C1QTNF9B: variants seen among roughly 807,000 people sequenced by gnomAD.
The protein encoded by C1QTNF9B is C1q and TNF related 9B.
C1QTNF9B carries 9 observed loss-of-function variants against 10.1 expected under a neutral mutation model. The ratio of observed to expected loss-of-function variants is 0.89; its 90% CI spans 0.53 to 1.55. The LOEUF (loss-of-function observed/expected upper bound fraction) is 1.55. Ranked by LOEUF, C1QTNF9B falls within the 40% of genes most tolerant of loss-of-function variation. The pLI, the probability that C1QTNF9B is intolerant of heterozygous loss-of-function variation, is 0.00. For synonymous variants in C1QTNF9B, 79 were observed against 159.9 expected (o/e 0.49, Z 3.82); for missense variants, 196 against 414.4 (o/e 0.47, Z 4.58).
chr13:23,894,437 T>C (rs1872127568), intron 1 of C1QTNF9B: 1 of 646,462 alleles, frequency 1.5e-6, no homozygotes, highest in African/African-American at 1.8e-5. Flanking sequence ...CAAGCGCCCA[T>C]CTCTAGGACG....
At chr13:23,895,441 G>A (rs999841425) in intron 1 of C1QTNF9B, among the ~76,000 whole-genome samples, 2 of 152,104 alleles carry the variant, frequency 1.3e-5, no homozygotes, top group African/African-American at 4.8e-5. Context: ...TTTAGTGTGA[G>A]CAATGTGATT....
chr13:23,894,500 C>G (rs1459712312), intron 1 of C1QTNF9B: 19 of 603,348 alleles, frequency 3.1e-5, no homozygotes, highest in Admixed American at 2.8e-4. Flanking sequence ...GCAATGGGGA[C>G]TGACTGTCAC....
chr13:23,894,152 C>G (rs757235761), exon 2 of C1QTNF9B: 2 of 1,536,534 alleles, frequency 1.3e-6, no homozygotes, highest in South Asian at 1.1e-5. Context: ...GTTCTCCCTT[C>G]TCTCCACTCG....
intron 2 of C1QTNF9B, among the ~76,000 whole-genome samples, chr13:23,893,630 G>C (rs1453644262): frequency 6.6e-6 from 1 of 152,254 alleles, no homozygotes. Flanking sequence ...GTGCCACCAT[G>C]CCTGGCTAGT....
At chr13:23,893,164 C>A (rs1337169737) in intron 2 of C1QTNF9B, among the ~76,000 whole-genome samples, 2 of 152,198 alleles carry the variant, frequency 1.3e-5, no homozygotes, top group African/African-American at 2.4e-5. Context: ...CCTCTGTTCC[C>A]TCACCTACGG....
chr13:23,892,255 G>A (rs548967010), intron 2 of C1QTNF9B, among the ~76,000 whole-genome samples, 194 bp from the exon 5 acceptor site: 13 of 152,304 alleles, frequency 8.5e-5, no homozygotes, highest in African/African-American at 2.9e-4. Context: ...TTGGGAGACC[G>A]CGGCAGGAGG....
intron 2 of C1QTNF9B, among the ~76,000 whole-genome samples, chr13:23,893,000 G>A (rs539015877): frequency 8.3e-4 from 126 of 152,194 alleles, no homozygotes; most frequent in Admixed American, 2.0e-3. Flanking sequence ...TATCCCACCG[G>A]CAATTCATCA....
At chr13:23,894,003 A>C in intron 2 of C1QTNF9B, 136 bp downstream of exon 4, 2 of 1,111,402 alleles carry the variant, frequency 1.8e-6, no homozygotes, top group South Asian at 2.9e-5. Context: ...ATCCCTGCAG[A>C]ATCCCCCCAT....
intron 2 of C1QTNF9B, among the ~76,000 whole-genome samples, chr13:23,893,205 G>A (rs1462326054): frequency 6.6e-6 from 1 of 152,142 alleles, no homozygotes; most frequent in Non-Finnish European, 1.5e-5. Context: ...CTAGTGTCTG[G>A]GGATGTTGCA....
chr13:23,895,058 G>A (rs1872149424), intron 1 of C1QTNF9B, among the ~76,000 whole-genome samples: 1 of 152,166 alleles, frequency 6.6e-6, no homozygotes, highest in Admixed American at 6.5e-5. Flanking sequence ...CACGATGTCT[G>A]TTCTCCTGGG....
At position 23,896,921 on chromosome 13, in the gene C1QTNF9B, G is replaced by T. The variant is rs1382074639; in HGVS notation, c.66C>A (p.Thr22=). 6 of 1,613,980 alleles carry T rather than the reference G, an allele frequency of 3.7e-6. No individual in the cohort carries two copies. In the Admixed American group the frequency reaches 8.3e-5, roughly 22 times the overall value. Residue 22 remains threonine, a synonymous_variant, in exon 1 of 3, where the codon ACC becomes ACA. Transcript: ENST00000382137. ...GGATTCCAGGGTGCCCTTGCCTGCA[G>T]GTGTCCTGTGAGTTTATGTTCCCTG... is the stretch of plus-strand genomic sequence containing the variant.
chr13:23,893,220 G>A (rs1468020112), intron 2 of C1QTNF9B, among the ~76,000 whole-genome samples: 1 of 152,154 alleles, frequency 6.6e-6, no homozygotes, highest in Non-Finnish European at 1.5e-5. Flanking sequence ...GTTGCATTTG[G>A]TGAGTCAGTA....
intron 2 of C1QTNF9B, among the ~76,000 whole-genome samples, chr13:23,893,707 C>T (rs1295568313): frequency 6.6e-6 from 1 of 152,118 alleles, no homozygotes; most frequent in African/African-American, 2.4e-5. Context: ...TAGGTTCAAG[C>T]GATTCTCTTA....
Position 23,894,533 on chromosome 13 carries a change from C to T in C1QTNF9B, c.167-332G>A, listed in dbSNP as rs750294202. On this transcript the variant is annotated intron_variant, in intron 1 of 2. Coordinates refer to ENST00000382137, the Ensembl canonical transcript of C1QTNF9B. The stretch of plus-strand genomic sequence containing the variant: ...CACAATTGATTGTGTTCCTCTCCTG[C>T]GACAAGGACTTGGGACGTGGTCTGA... 72 of 570,594 alleles carry T rather than the reference C, an allele frequency of 1.3e-4. 1 individual carries two copies. The highest frequency in any genetic ancestry group is 1.2e-3 in the East Asian group (32 of 26,422). The allele number at this position is 570,594 out of a possible 1,614,324, so 35.3% of individuals were successfully genotyped here.
chr13:23,892,977 G>A (rs1872069771), intron 2 of C1QTNF9B, among the ~76,000 whole-genome samples: 1 of 151,988 alleles, frequency 6.6e-6, no homozygotes, highest in South Asian at 2.1e-4. Context: ...CCCAACCCCA[G>A]CCCCAACCCA....
intron 2 of C1QTNF9B, among the ~76,000 whole-genome samples, chr13:23,892,574 G>A (rs999758747): frequency 3.9e-5 from 6 of 152,182 alleles, no homozygotes; most frequent in African/African-American, 1.4e-4. Flanking sequence ...AGGATGGCTT[G>A]AGCCCAGGAG....
chr13:23,894,693 G>A (rs78017736), intron 1 of C1QTNF9B: 83,627 of 454,026 alleles, frequency 0.18, 8,808 homozygotes, highest in Non-Finnish European at 0.23. Context: ...CAAGATAGAA[G>A]AGAGAGTTCT....
upstream of C1QTNF9B, chr13:23,897,071 C>A: frequency 6.8e-7 from 1 of 1,462,674 alleles, no homozygotes; most frequent in East Asian, 2.2e-5. Flanking sequence ...ACACAGCCTC[C>A]GTTCTGTGCA....
chr13:23,891,370 T>C, exon 3 of C1QTNF9B: 1 of 1,580,458 alleles, frequency 6.3e-7, no homozygotes, highest in Non-Finnish European at 8.7e-7. Flanking sequence ...ACCTCTCTCC[T>C]CCTGTCACCT....
Sources: gnomAD v4.1 joint callset for allele counts (sites outside exome capture counted in the v4.1 genomes callset) on GRCh38, gnomAD v4.1.1 for gene constraint, MANE v1.5 for transcripts, NCBI Gene and HGNC (gene_info 2026-07-23, HGNC 2026-07-21) for gene names.